Variants in MAPK10 observed in about 807,000 individuals in gnomAD.
MAPK10 encodes the protein mitogen-activated protein kinase 10.
In MAPK10, 25 loss-of-function variants were observed where a neutral mutation model predicts 59.3. The observed-to-expected ratio is 0.42, with a 90% confidence interval of 0.31 to 0.59. MAPK10 has a LOEUF of 0.59. MAPK10 is among the 20% of genes least tolerant of loss of function. MAPK10 has a pLI of 0.15. For missense variants in MAPK10, 351 were observed against 568.9 expected (o/e 0.62, Z 3.90); for synonymous variants, 190 against 200.5 (o/e 0.95, Z 0.44).
At chr4:86,189,288 A>G (rs1046896639) in intron 3 of MAPK10, among the ~76,000 whole-genome samples, 2 of 152,088 alleles carry the variant, frequency 1.3e-5, no homozygotes, top group African/African-American at 2.4e-5. Context: ...AAGAATGTCA[A>G]AGGTAGTTTG....
At chr4:86,473,427 T>C (rs1007903618) in intron 1 of MAPK10, among the ~76,000 whole-genome samples, 2 of 152,126 alleles carry the variant, frequency 1.3e-5, no homozygotes, top group Non-Finnish European at 2.9e-5. Context: ...TATAGAAAGG[T>C]TTTTTATTTA....
chr4:86,278,664 T>A (rs1364383995), intron 2 of MAPK10, among the ~76,000 whole-genome samples: 1 of 152,098 alleles, frequency 6.6e-6, no homozygotes, highest in African/African-American at 2.4e-5. Flanking sequence ...AATAAACATA[T>A]AGTCACCTTA....
At chr4:86,485,201 C>A (rs1407427595) in intron 1 of MAPK10, among the ~76,000 whole-genome samples, 1 of 152,166 alleles carries the variant, frequency 6.6e-6, no homozygotes, top group African/African-American at 2.4e-5. Flanking sequence ...TAGATCCCAG[C>A]ATGAAGATCA....
chr4:86,266,665 A>G (rs1003046854), intron 2 of MAPK10, among the ~76,000 whole-genome samples: 17 of 152,204 alleles, frequency 1.1e-4, no homozygotes, highest in Non-Finnish European at 2.4e-4. Context: ...ATTGAGAAGT[A>G]TGCATCAATA....
At chr4:86,542,129 TGA>T (rs1054793405) in intron 1 of MAPK10, among the ~76,000 whole-genome samples, 8 of 152,154 alleles carry the variant, frequency 5.3e-5, no homozygotes, top group African/African-American at 1.7e-4. Flanking sequence ...TTCAGAATAT[TGA>T]GAGATAGAAG....
At chr4:86,322,025 G>A (rs2095906395) in intron 2 of MAPK10, 1 of 151,824 alleles carries the variant, frequency 6.6e-6, no homozygotes, top group South Asian at 2.1e-4. Flanking sequence ...TAGAAAAATT[G>A]AGTTCTGTAA....
intron 1 of MAPK10, among the ~76,000 whole-genome samples, chr4:86,543,978 A>G (rs770527857): frequency 6.6e-6 from 1 of 152,262 alleles, no homozygotes; most frequent in Non-Finnish European, 1.5e-5. Context: ...TCCCTTCAGT[A>G]GAAATGTCAT....
At chr4:86,042,521 T>C (rs2041772052) in intron 11 of MAPK10, among the ~76,000 whole-genome samples, 2 of 152,120 alleles carry the variant, frequency 1.3e-5, no homozygotes, top group South Asian at 4.2e-4. Flanking sequence ...ATACACAATA[T>C]AAAAATATGT....
chr4:86,397,298 T>TA (rs1743068700), intron 1 of MAPK10, among the ~76,000 whole-genome samples: 1 of 152,216 alleles, frequency 6.6e-6, no homozygotes. Flanking sequence ...TTAGTCATTC[T>TA]TAATGAAACC....
chr4:86,080,281 C>T (rs1194062852), intron 9 of MAPK10: 1 of 151,004 alleles, frequency 6.6e-6, no homozygotes, highest in Non-Finnish European at 1.5e-5. Context: ...TGCCTAGTCT[C>T]GTAGTAGAGA....
At position 86,107,355 on chromosome 4, in the gene MAPK10, G is replaced by C; in HGVS notation, c.237-3C>G. The C allele has an allele frequency of 6.2e-7, 1 of 1,606,112 alleles. No individual in the cohort carries two copies. Among genetic ancestry groups the C allele is most frequent in the Non-Finnish European group, 8.5e-7 (1 of 1,177,474 alleles). ...CAAGGACAGCATCATACGCGGCACT[G>C]TAGAGATCCAAGAGCAACTCAGAAT... On this transcript the variant is annotated splice_polypyrimidine_tract_variant and splice_region_variant and intron_variant, in intron 4 of 13. Coordinates refer to ENST00000641462, the MANE Select transcript of MAPK10 (RefSeq NM_138982.4).
chr4:86,070,875 A>G (rs915672659), intron 9 of MAPK10, among the ~76,000 whole-genome samples: 4 of 152,140 alleles, frequency 2.6e-5, no homozygotes, highest in African/African-American at 9.7e-5. Flanking sequence ...TCTTTATAGC[A>G]GCATGATTTA....
chr4:86,054,452 A>C (rs1399641499), intron 11 of MAPK10, among the ~76,000 whole-genome samples: 1 of 152,122 alleles, frequency 6.6e-6, no homozygotes, highest in African/African-American at 2.4e-5. Flanking sequence ...ATGAAGCTAT[A>C]TTTTCTCTGG....
chr4:86,456,415 T>A (rs1256275218), upstream of MAPK10, among the ~76,000 whole-genome samples: 1 of 151,940 alleles, frequency 6.6e-6, no homozygotes, highest in Non-Finnish European at 1.5e-5. Context: ...ATTAGCAAGA[T>A]TAACCAAGAA....
At chr4:86,356,043 TCA>T (rs34547847) in intron 1 of MAPK10, among the ~76,000 whole-genome samples, 104,227 of 149,054 alleles carry the variant, frequency 0.7, 37,201 homozygotes, top group South Asian at 0.86. Context: ...TTGTTTTTCT[TCA>T]CACACACACA....
chr4:86,122,135 G>C (rs1580676552), intron 4 of MAPK10, among the ~76,000 whole-genome samples: 2 of 152,110 alleles, frequency 1.3e-5, no homozygotes, highest in East Asian at 3.9e-4. Context: ...AAGTCAGATA[G>C]AGCCAAGTGA....
chr4:86,169,893 G>C (rs893369116), intron 3 of MAPK10, among the ~76,000 whole-genome samples: 3 of 151,992 alleles, frequency 2.0e-5, no homozygotes, highest in African/African-American at 7.2e-5. Context: ...AGCCAGAAGA[G>C]AGTGGGGGCC....
intron 2 of MAPK10, among the ~76,000 whole-genome samples, chr4:86,231,356 T>C (rs1418770439): frequency 6.6e-6 from 1 of 152,040 alleles, no homozygotes; most frequent in African/African-American, 2.4e-5. Context: ...GTAACCTATA[T>C]AGAAGTACAA....
intron 1 of MAPK10, among the ~76,000 whole-genome samples, chr4:86,547,680 A>G (rs913628600): frequency 2.0e-5 from 3 of 152,332 alleles, no homozygotes; most frequent in East Asian, 1.9e-4. Context: ...TCCATTCAGG[A>G]TCCACTGGGT....
Sources: allele counts gnomAD v4.1 joint callset (sites outside exome capture counted in the v4.1 genomes callset), GRCh38; gene constraint gnomAD v4.1.1; transcripts MANE v1.5; gene names NCBI Gene and HGNC (gene_info 2026-07-23, HGNC 2026-07-21).